EBF1: variants seen among roughly 807,000 people sequenced by gnomAD.
EBF1 encodes the protein EBF transcription factor 1.
EBF1 carries 10 observed loss-of-function variants against 68.4 expected under a neutral mutation model. The observed-to-expected ratio is 0.15, with a 90% CI of 0.09 to 0.25. The LOEUF is 0.25. EBF1 is among the 10% of genes least tolerant of loss of function. The pLI, the probability that EBF1 is intolerant of heterozygous loss-of-function variation, is 1.00. For missense variants in EBF1, 509 were observed against 794.4 expected, an observed-to-expected ratio of 0.64 and a Z score of 4.32; for synonymous variants, 298 against 299.8, an observed-to-expected ratio of 0.99 and a Z score of 0.06.
chr5:158,966,832 A>G (rs904805652), intron 6 of EBF1, among the ~76,000 whole-genome samples: 4 of 152,238 alleles, frequency 2.6e-5, no homozygotes, highest in African/African-American at 9.6e-5. Flanking sequence ...TTTTAATACA[A>G]ATAGCTGAAG....
At chr5:158,946,624 C>A (rs997147440) in intron 6 of EBF1, among the ~76,000 whole-genome samples, 1 of 152,216 alleles carries the variant, frequency 6.6e-6, no homozygotes, top group South Asian at 2.1e-4. Flanking sequence ...GTCTGTCGAC[C>A]ACTGCTGGGA....
At chr5:159,066,395 C>T (rs189720248) in intron 6 of EBF1, among the ~76,000 whole-genome samples, 2 of 152,252 alleles carry the variant, frequency 1.3e-5, no homozygotes, top group African/African-American at 2.4e-5. Context: ...TGGAACCAAG[C>T]ACTTCACTTT....
chr5:159,089,997 T>C (rs951726039), intron 4 of EBF1, among the ~76,000 whole-genome samples: 1 of 151,998 alleles, frequency 6.6e-6, no homozygotes, highest in African/African-American at 2.4e-5. Flanking sequence ...AATATGTTAC[T>C]CCTTTTTCCC....
intron 5 of EBF1, among the ~76,000 whole-genome samples, chr5:159,077,674 TAG>T (rs1779013949): frequency 6.6e-6 from 1 of 151,310 alleles, no homozygotes; most frequent in African/African-American, 2.4e-5. Context: ...AGTTAACCTA[TAG>T]AGAGTGGAAC....
At chr5:159,099,266 GC>G (rs1249249466) in intron 1 of EBF1, 78 bp downstream of exon 1, 345 of 5,926 alleles carry the variant, frequency 0.058, 1 homozygote, top group African/African-American at 0.37. Context: ...GGCAGCAGCT[GC>G]CGCTGCCGCT....
At chr5:158,989,372 T>C (rs1329287346) in intron 6 of EBF1, among the ~76,000 whole-genome samples, 2 of 152,178 alleles carry the variant, frequency 1.3e-5, no homozygotes, top group Non-Finnish European at 2.9e-5. Context: ...CTGAGCCAAA[T>C]GATGGACAAT....
intron 11 of EBF1, among the ~76,000 whole-genome samples, chr5:158,715,649 C>T (rs1377242357): frequency 6.6e-6 from 1 of 152,114 alleles, no homozygotes; most frequent in African/African-American, 2.4e-5. Context: ...GGGATTTGAA[C>T]CAATACATCT....
At chr5:158,947,364 C>G (rs1814983723) in intron 6 of EBF1, among the ~76,000 whole-genome samples, 1 of 152,206 alleles carries the variant, frequency 6.6e-6, no homozygotes, top group African/African-American at 2.4e-5. Context: ...TTGTGAAGAG[C>G]ATGGGCAAAG....
At chr5:159,004,034 TG>T (rs1335896635) in intron 6 of EBF1, among the ~76,000 whole-genome samples, 1 of 152,154 alleles carries the variant, frequency 6.6e-6, no homozygotes, top group Non-Finnish European at 1.5e-5. Flanking sequence ...CCCAGCACAT[TG>T]GGAGGCCAAG....
intron 6 of EBF1, among the ~76,000 whole-genome samples, chr5:159,052,220 A>G (rs556894795): frequency 6.6e-6 from 1 of 152,196 alleles, no homozygotes; most frequent in South Asian, 2.1e-4. Context: ...AAAAAAAAAG[A>G]CATTGTATGC....
At chr5:159,083,285 C>T (rs1351835360) in intron 5 of EBF1, among the ~76,000 whole-genome samples, 1 of 152,182 alleles carries the variant, frequency 6.6e-6, no homozygotes, top group Non-Finnish European at 1.5e-5. Flanking sequence ...ATTTTACTCA[C>T]AATTCTGAAA....
chr5:158,983,917 T>C (rs1405735007), intron 6 of EBF1, among the ~76,000 whole-genome samples: 6 of 151,514 alleles, frequency 4.0e-5, no homozygotes. Context: ...TGTGTGTGTG[T>C]GTGTGTGTGT....
chr5:158,980,032 A>G (rs1281568332), intron 6 of EBF1, among the ~76,000 whole-genome samples: 1 of 152,180 alleles, frequency 6.6e-6, no homozygotes, highest in East Asian at 1.9e-4. Flanking sequence ...GGTATTTTAT[A>G]GTCAGAAGGA....
chr5:158,715,352 T>G (rs1001643515), intron 11 of EBF1, among the ~76,000 whole-genome samples: 5 of 152,266 alleles, frequency 3.3e-5, no homozygotes, highest in Non-Finnish European at 1.5e-5. Context: ...GCATTCATTT[T>G]GCTGTCATCA....
intron 10 of EBF1, among the ~76,000 whole-genome samples, chr5:158,775,003 T>C (rs924567791): frequency 2.0e-5 from 3 of 149,782 alleles, no homozygotes; most frequent in Non-Finnish European, 4.4e-5. Context: ...AAAAAAAGGC[T>C]TCTTGTCTGG....
At chr5:159,021,623 G>A (rs1341252585) in intron 6 of EBF1, among the ~76,000 whole-genome samples, 4 of 152,216 alleles carry the variant, frequency 2.6e-5, no homozygotes, top group Non-Finnish European at 4.4e-5. Flanking sequence ...GAACTACTCA[G>A]CTCCACTTAA....
intron 6 of EBF1, among the ~76,000 whole-genome samples, chr5:158,891,535 C>G (rs939110437): frequency 6.6e-6 from 1 of 152,176 alleles, no homozygotes; most frequent in Non-Finnish European, 1.5e-5. Flanking sequence ...CCAGAGCCAT[C>G]ACTTTCCCAG....
At chr5:158,950,354 T>C (rs1479034720) in intron 6 of EBF1, among the ~76,000 whole-genome samples, 1 of 152,194 alleles carries the variant, frequency 6.6e-6, no homozygotes, top group African/African-American at 2.4e-5. Context: ...TAGTAACCTG[T>C]TCTTCACACT....
At chr5:159,033,012 A>G (rs572043771) in intron 6 of EBF1, among the ~76,000 whole-genome samples, 55 of 112,984 alleles carry the variant, frequency 4.9e-4, no homozygotes, top group African/African-American at 1.8e-3. Context: ...ATCCGCCCCC[A>G]CCCCCAAACT....
Sources: allele counts gnomAD v4.1 joint callset (sites outside exome capture counted in the v4.1 genomes callset), GRCh38; gene constraint gnomAD v4.1.1; transcripts MANE v1.5; gene names NCBI Gene and HGNC (gene_info 2026-07-23, HGNC 2026-07-21).